FRMD4A: variants seen among roughly 807,000 people sequenced by gnomAD.
FRMD4A encodes the protein FERM domain containing 4A.
In FRMD4A, 29 loss-of-function variants were observed where a neutral mutation model predicts 129.1. That is an observed-to-expected ratio of 0.22 (90% CI 0.17 to 0.31). The LOEUF is 0.31. FRMD4A is among the 10% of genes least tolerant of loss of function. The probability of loss-of-function intolerance (pLI) is 1.00; values close to 1 mark genes in which losing one functional copy is unlikely to be tolerated. For synonymous variants in FRMD4A, 634 were observed against 571.6 expected (o/e 1.11, Z -1.56); for missense variants, 1,272 against 1,375.8 (o/e 0.92, Z 1.19).
intron 5 of FRMD4A, among the ~76,000 whole-genome samples, chr10:13,795,948 G>C (rs1386022544): frequency 1.3e-5 from 2 of 152,124 alleles, no homozygotes; most frequent in Admixed American, 6.6e-5. Context: ...AAATTTCTTA[G>C]ACTAGATTTC....
chr10:14,305,777 C>T (rs1035524656), intron 2 of FRMD4A, among the ~76,000 whole-genome samples: 3 of 152,112 alleles, frequency 2.0e-5, no homozygotes, highest in Admixed American at 1.3e-4. Flanking sequence ...ACATACACAC[C>T]AGGGAATACT....
chr10:13,927,825 T>C (rs912054469), intron 2 of FRMD4A, among the ~76,000 whole-genome samples: 1 of 152,168 alleles, frequency 6.6e-6, no homozygotes, highest in Non-Finnish European at 1.5e-5. Flanking sequence ...GAAACTTGAG[T>C]TCATTTGGAG....
intron 2 of FRMD4A, among the ~76,000 whole-genome samples, chr10:14,228,057 A>G (rs780765513): frequency 2.6e-5 from 4 of 152,130 alleles, no homozygotes; most frequent in Non-Finnish European, 5.9e-5. Context: ...TATTTTTAGT[A>G]GAGACAGGGT....
chr10:14,143,024 C>T (rs1313891232), intron 2 of FRMD4A, among the ~76,000 whole-genome samples: 1 of 152,142 alleles, frequency 6.6e-6, no homozygotes, highest in Non-Finnish European at 1.5e-5. Context: ...AGTTGGAATC[C>T]TTGTACACTG....
chr10:13,766,485 T>C (rs1021225131), intron 6 of FRMD4A, among the ~76,000 whole-genome samples: 11 of 152,202 alleles, frequency 7.2e-5, no homozygotes, highest in Non-Finnish European at 4.4e-5. Flanking sequence ...TGGAAAGAGC[T>C]GCATTATTAT....
intron 4 of FRMD4A, among the ~76,000 whole-genome samples, chr10:13,797,269 T>G (rs2093140526): frequency 6.6e-6 from 1 of 152,162 alleles, no homozygotes; most frequent in Non-Finnish European, 1.5e-5. Context: ...AAAGCACACT[T>G]GAAAACATGT....
Position 13,778,623 on chromosome 10 carries a change from T to TGTGTGTGTG in FRMD4A, c.384+4298_384+4299insCACACACAC, listed in dbSNP as rs1240640403. Reference sequence around the variant, plus strand: ...CGTGTGTGTGTGTGTGTGTGTGTGTTTGTGTGTGTGTTAAGGTTTAATGGG... The same window carrying TGTGTGTGTG: ...CGTGTGTGTGTGTGTGTGTGTGTGTTGTGTGTGTGTGTGTGTGTGTTAAGGTTTAATGGG... On this transcript the variant is annotated intron_variant, in intron 6 of 24. Transcript: ENST00000357447. 6.3e-3 allele frequency among the ~76,000 whole-genome samples: 873 copies of TGTGTGTGTG among 138,560 alleles called. 25 individuals carry two copies. Among genetic ancestry groups the TGTGTGTGTG allele is most frequent in the South Asian group, 0.059 (259 of 4,422 alleles). The allele number at this position is 138,560 out of a possible 152,430, so 90.9% of individuals were successfully genotyped here.
chr10:14,030,301 C>T (rs1235505967), intron 2 of FRMD4A, among the ~76,000 whole-genome samples: 1 of 152,122 alleles, frequency 6.6e-6, no homozygotes, highest in African/African-American at 2.4e-5. Context: ...AAGAAAATGG[C>T]AACTATATGA....
intron 3 of FRMD4A, among the ~76,000 whole-genome samples, chr10:13,831,170 G>A (rs564653268): frequency 1.7e-4 from 26 of 152,180 alleles, no homozygotes; most frequent in African/African-American, 4.8e-4. Flanking sequence ...GAGGCAGGAC[G>A]CTCACTTCTA....
intron 3 of FRMD4A, among the ~76,000 whole-genome samples, chr10:13,841,763 A>T (rs1028332186): frequency 5.9e-5 from 9 of 152,136 alleles, no homozygotes; most frequent in African/African-American, 1.9e-4. Context: ...CATCATGAGT[A>T]TGGCACTTTC....
chr10:14,097,181 A>G (rs1837023157), intron 2 of FRMD4A: 1 of 148,882 alleles, frequency 6.7e-6, no homozygotes, highest in African/African-American at 2.5e-5. Context: ...AAGAAAAGAA[A>G]AGGTGTCATT....
intron 3 of FRMD4A, among the ~76,000 whole-genome samples, chr10:13,850,557 G>A (rs1006924726): frequency 6.6e-6 from 1 of 152,216 alleles, no homozygotes; most frequent in Non-Finnish European, 1.5e-5. Context: ...TAGGAAGTGA[G>A]TTCACAGGAA....
intron 2 of FRMD4A, among the ~76,000 whole-genome samples, chr10:14,010,156 T>C (rs2095676340): frequency 6.6e-6 from 1 of 152,180 alleles, no homozygotes; most frequent in South Asian, 2.1e-4. Context: ...GAGAAGCCAC[T>C]GTCCTCTTCT....
At chr10:14,013,418 A>G (rs1410140502) in intron 2 of FRMD4A, among the ~76,000 whole-genome samples, 2 of 152,170 alleles carry the variant, frequency 1.3e-5, no homozygotes, top group Non-Finnish European at 1.5e-5. Flanking sequence ...AAATCCCTCA[A>G]TGACCTCACC....
chr10:13,863,410 T>C (rs1214810071), intron 2 of FRMD4A, among the ~76,000 whole-genome samples: 1 of 140,884 alleles, frequency 7.1e-6, no homozygotes, highest in Non-Finnish European at 1.5e-5. Flanking sequence ...GGCAAAACCC[T>C]GTCTCTACTA....
chr10:14,009,026 C>T (rs1466908873), intron 2 of FRMD4A, among the ~76,000 whole-genome samples: 3 of 152,170 alleles, frequency 2.0e-5, no homozygotes, highest in African/African-American at 7.2e-5. Context: ...TTTATTTTTA[C>T]GTGTGCCAGT....
intron 2 of FRMD4A, among the ~76,000 whole-genome samples, chr10:14,215,812 G>A (rs1025757342): frequency 1.3e-5 from 2 of 152,124 alleles, no homozygotes; most frequent in Non-Finnish European, 2.9e-5. Context: ...AAAGCCTACC[G>A]TGAAATTAAC....
At chr10:14,137,471 C>T (rs1388378656) in intron 2 of FRMD4A, among the ~76,000 whole-genome samples, 1 of 152,172 alleles carries the variant, frequency 6.6e-6, no homozygotes, top group Admixed American at 6.5e-5. Flanking sequence ...TTGAGATTCC[C>T]ATCCTTTGAA....
At chr10:13,692,722 CTCCTG>C (rs1351423876) in intron 15 of FRMD4A, 1 of 152,296 alleles carries the variant, frequency 6.6e-6, no homozygotes, top group Non-Finnish European at 1.5e-5. Flanking sequence ...TCCTCTTCCT[CTCCTG>C]TCTTTTCCTT....
Sources: gnomAD v4.1 joint callset for allele counts (sites outside exome capture counted in the v4.1 genomes callset) on GRCh38, gnomAD v4.1.1 for gene constraint, MANE v1.5 for transcripts, NCBI Gene and HGNC (gene_info 2026-07-23, HGNC 2026-07-21) for gene names.